Variants in STIM1 observed in about 807,000 individuals in gnomAD.
The protein encoded by STIM1 is stromal interaction molecule 1.
Under a neutral mutation model 74.7 loss-of-function variants are expected in STIM1, and 25 were observed. That is an observed-to-expected ratio of 0.33 (90% CI 0.24 to 0.47). The LOEUF is 0.47. Among genes scored for constraint, STIM1 ranks in the 20% least tolerant of loss-of-function variants. The pLI, the probability that STIM1 is intolerant of heterozygous loss-of-function variation, is 1.00. For synonymous variants in STIM1, 328 were observed against 348.8 expected, an observed-to-expected ratio of 0.94 and a Z score of 0.66; for missense variants, 728 against 920.8, an observed-to-expected ratio of 0.79 and a Z score of 2.71.
At chr11:3,924,187 T>A (rs529003293) in intron 1 of STIM1, among the ~76,000 whole-genome samples, 4 of 150,314 alleles carry the variant, frequency 2.7e-5, no homozygotes, top group Non-Finnish European at 4.4e-5. Context: ...GTCTTATATA[T>A]CTTTTTTTTT....
chr11:3,859,066 C>T (rs2090498696), intron 1 of STIM1, among the ~76,000 whole-genome samples: 1 of 152,156 alleles, frequency 6.6e-6, no homozygotes, highest in Non-Finnish European at 1.5e-5. Context: ...AAGGGCTGTA[C>T]TTTTTTTCTG....
Position 3,994,427 on chromosome 11 carries a change from T to A in STIM1, c.270+26745T>A, listed in dbSNP as rs112331399. 8.0e-3 allele frequency among the ~76,000 whole-genome samples: 1,211 copies of A among 152,104 alleles called. 14 individuals carry two copies. Among genetic ancestry groups the A allele is most frequent in the African/African-American group, 0.027 (1,137 of 41,518 alleles). On this transcript the variant is annotated intron_variant, in intron 2 of 12. Transcript: ENST00000526596. ...AAAACTTGGGAGGTTTTTCAGCCAT[T>A]ATTTCTTTGAATATTTTTCCTTCTC...
chr11:3,922,324 A>G (rs927622659), intron 1 of STIM1, among the ~76,000 whole-genome samples: 15 of 152,160 alleles, frequency 9.9e-5, no homozygotes, highest in African/African-American at 3.6e-4. Context: ...ACATATAGAT[A>G]TGTATATGTG....
chr11:3,930,984 T>C (rs947802137), intron 1 of STIM1, among the ~76,000 whole-genome samples: 5 of 152,172 alleles, frequency 3.3e-5, no homozygotes, highest in African/African-American at 1.2e-4. Context: ...ATGAACAAGA[T>C]AGATATGGTT....
At chr11:3,915,399 A>AG (rs2092628053) in intron 1 of STIM1, among the ~76,000 whole-genome samples, 1 of 132,160 alleles carries the variant, frequency 7.6e-6, no homozygotes, top group Non-Finnish European at 1.7e-5. Context: ...TCTAGTTTTT[A>AG]ATTTTTTTTT....
chr11:4,072,303 A>G (rs565728308), intron 6 of STIM1, among the ~76,000 whole-genome samples: 21 of 152,308 alleles, frequency 1.4e-4, no homozygotes, highest in African/African-American at 4.8e-4. Context: ...TCCTCCTTGT[A>G]TTAACAGACC....
In STIM1 at chr11:3,995,377, C is replaced by T. The variant is rs547319949; in HGVS notation, c.270+27695C>T. On this transcript the variant is annotated intron_variant, in intron 2 of 12. Coordinates refer to ENST00000526596, the MANE Select transcript of STIM1 (RefSeq NM_001382567.1). Reference sequence around the variant, plus strand: ...GCTAGATTGTTTAAGTGGTTGATCCCCCTCCTCCCACAGTGTGAATCCTCT... The same window carrying T: ...GCTAGATTGTTTAAGTGGTTGATCCTCCTCCTCCCACAGTGTGAATCCTCT... Among the ~76,000 whole-genome samples, 148 of 152,102 alleles carry T rather than the reference C, an allele frequency of 9.7e-4. 2 individuals are homozygous for T. The highest frequency in any genetic ancestry group is 3.4e-3 in the African/African-American group (140 of 41,478).
intron 3 of STIM1, among the ~76,000 whole-genome samples, chr11:4,053,221 C>T (rs1003762527): frequency 3.9e-5 from 6 of 152,116 alleles, no homozygotes; most frequent in African/African-American, 1.4e-4. Flanking sequence ...CCCAGCCATC[C>T]CATTACTGGG....
intron 3 of STIM1, among the ~76,000 whole-genome samples, chr11:4,035,664 T>C (rs1303103646): frequency 6.6e-6 from 1 of 152,150 alleles, no homozygotes; most frequent in Admixed American, 6.5e-5. Flanking sequence ...TATTGATCTC[T>C]AATTTAATTC....
At chr11:3,858,635 C>T (rs562819472) in intron 1 of STIM1, among the ~76,000 whole-genome samples, 4 of 152,162 alleles carry the variant, frequency 2.6e-5, no homozygotes, top group Non-Finnish European at 5.9e-5. Flanking sequence ...TGGAGAGAAA[C>T]TTTCTATGCA....
intron 1 of STIM1, among the ~76,000 whole-genome samples, chr11:3,931,637 G>T (rs2092861291): frequency 6.6e-6 from 1 of 152,188 alleles, no homozygotes; most frequent in Non-Finnish European, 1.5e-5. Context: ...GATAAATGGG[G>T]ATCTGCTATA....
intron 1 of STIM1, among the ~76,000 whole-genome samples, chr11:3,920,278 A>G (rs2092701873): frequency 3.9e-5 from 6 of 151,990 alleles, no homozygotes; most frequent in Admixed American, 3.9e-4. Flanking sequence ...GTGGTTTTCA[A>G]CAATTTTGTG....
intron 10 of STIM1, chr11:4,083,794 A>G (rs2094477951): frequency 8.4e-6 from 3 of 358,624 alleles, no homozygotes; most frequent in South Asian, 1.0e-4. Flanking sequence ...TACCTTTATA[A>G]AAAATATGTC....
chr11:4,093,068 G>C lies in STIM1; in HGVS notation c.*1270G>C, dbSNP rs2094533216. On this transcript the variant is annotated 3_prime_UTR_variant, in exon 13 of 13. Transcript: ENST00000526596. Reference sequence around the variant, plus strand: ...CCTGGGATCCTATTTTGGGCCTGGGGTGGGTATACCTGGGGCTGGTCTTAG... The same window carrying C: ...CCTGGGATCCTATTTTGGGCCTGGGCTGGGTATACCTGGGGCTGGTCTTAG... 1 of 152,746 alleles carries C rather than the reference G, an allele frequency of 6.5e-6. No homozygotes were observed. Among genetic ancestry groups the C allele is most frequent in the African/African-American group, 2.4e-5 (1 of 41,420 alleles). The allele number at this position is 152,746 out of a possible 1,614,324, so 9.5% of individuals were successfully genotyped here. A position where few individuals can be genotyped will look rare whatever the true frequency, so the allele number is the denominator to read the frequency against.
intron 1 of STIM1, chr11:3,921,709 A>T (rs1245178349): frequency 6.7e-6 from 1 of 148,572 alleles, no homozygotes; most frequent in Non-Finnish European, 1.5e-5. Flanking sequence ...AAATAGAATA[A>T]AGTGAACATG....
intron 2 of STIM1, among the ~76,000 whole-genome samples, chr11:3,972,115 TAA>T (rs996725077): frequency 2.6e-5 from 4 of 152,328 alleles, no homozygotes; most frequent in Admixed American, 1.3e-4. Context: ...GAGATTTTTA[TAA>T]GTCATCTTAA....
intron 1 of STIM1, among the ~76,000 whole-genome samples, chr11:3,931,539 T>C (rs779074170): frequency 6.6e-6 from 1 of 152,196 alleles, no homozygotes; most frequent in Non-Finnish European, 1.5e-5. Flanking sequence ...CCTTGAGTGT[T>C]TGGTCCATCT....
In STIM1 at chr11:3,856,180, G is replaced by A; in HGVS notation, c.-91G>A. 1.3e-6 allele frequency: 2 copies of A among 1,572,292 alleles called. No individual in the cohort carries two copies. Among genetic ancestry groups the A allele is most frequent in the Non-Finnish European group, 1.7e-6 (2 of 1,148,466 alleles). On this transcript the variant is annotated 5_prime_UTR_variant, in exon 1 of 13. Transcript: ENST00000526596. Reference sequence around the variant, plus strand: ...CGGAGCCGCGAGGGCATCTTGCCTGGAGACCGTCGGCTGCACTCCCGGGCT... The same window carrying A: ...CGGAGCCGCGAGGGCATCTTGCCTGAAGACCGTCGGCTGCACTCCCGGGCT...
At chr11:4,016,124 G>A (rs574814842) in intron 2 of STIM1, among the ~76,000 whole-genome samples, 5 of 152,238 alleles carry the variant, frequency 3.3e-5, no homozygotes, top group South Asian at 4.1e-4. Context: ...GAGAAGAGGC[G>A]TTCCAGTTTT....
Sources: allele counts gnomAD v4.1 joint callset (sites outside exome capture counted in the v4.1 genomes callset), GRCh38; gene constraint gnomAD v4.1.1; transcripts MANE v1.5; gene names NCBI Gene and HGNC (gene_info 2026-07-23, HGNC 2026-07-21).